Variants in ATP6V1C2 observed in about 807,000 individuals in gnomAD.
ATP6V1C2 encodes the protein V-type proton ATPase subunit C 2.
In ATP6V1C2, 45 loss-of-function variants were observed where a neutral mutation model predicts 56.8. That is an observed-to-expected ratio of 0.79 (90% CI 0.62 to 1.02). The LOEUF (loss-of-function observed/expected upper bound fraction) is 1.02, where lower values mean the gene tolerates loss of function less well. Among genes scored for constraint, ATP6V1C2 ranks in the 50% least tolerant of loss-of-function variants. ATP6V1C2 has a pLI of 0.00. For synonymous variants in ATP6V1C2, 220 were observed against 201.3 expected (o/e 1.09, Z -0.79); for missense variants, 463 against 519.7 (o/e 0.89, Z 1.06).
At chr2:10,750,795 C>T (rs1284796168) in intron 3 of ATP6V1C2, among the ~76,000 whole-genome samples, 2 of 152,102 alleles carry the variant, frequency 1.3e-5, no homozygotes, top group Non-Finnish European at 2.9e-5. Context: ...TCCCACAGGT[C>T]GCTGTGAGGA....
chr2:10,733,154 C>T (rs1272833325), intron 3 of ATP6V1C2, among the ~76,000 whole-genome samples: 1 of 151,982 alleles, frequency 6.6e-6, no homozygotes, highest in Non-Finnish European at 1.5e-5. Flanking sequence ...TAAGAGCCTT[C>T]CTATCAGGGG....
chr2:10,742,971 C>T (rs1662646286), intron 3 of ATP6V1C2, among the ~76,000 whole-genome samples: 1 of 152,146 alleles, frequency 6.6e-6, no homozygotes, highest in South Asian at 2.1e-4. Flanking sequence ...CTGGGCAATG[C>T]CCCCCACTCC....
chr2:10,767,424 A>G (rs983170378), intron 5 of ATP6V1C2, among the ~76,000 whole-genome samples: 6 of 151,684 alleles, frequency 4.0e-5, no homozygotes, highest in Non-Finnish European at 5.9e-5. Context: ...CTGCCTCTCA[A>G]AGTGCTAGGA....
chr2:10,742,424 G>A (rs1662608625), intron 3 of ATP6V1C2, among the ~76,000 whole-genome samples: 1 of 152,142 alleles, frequency 6.6e-6, no homozygotes, highest in Non-Finnish European at 1.5e-5. Flanking sequence ...GCAGTTTGCA[G>A]GGCAGAAACC....
chr2:10,761,854 C>T (rs1011347360), intron 4 of ATP6V1C2, among the ~76,000 whole-genome samples: 5 of 152,224 alleles, frequency 3.3e-5, no homozygotes, highest in African/African-American at 1.2e-4. Context: ...ATTCCAACAC[C>T]AGCATCCTAA....
At position 10,755,094 on chromosome 2, in the gene ATP6V1C2, C is replaced by T. The variant is rs368345511; in HGVS notation, c.283+1028C>T. 4.5e-4 allele frequency among the ~76,000 whole-genome samples: 69 copies of T among 152,134 alleles called. No individual in the cohort carries two copies. In the East Asian group the frequency reaches 6.2e-3, roughly 14 times the overall value. On this transcript the variant is annotated intron_variant, in intron 4 of 13. Coordinates refer to ENST00000272238, the MANE Select transcript of ATP6V1C2 (RefSeq NM_001039362.2). ...GTGCAATGGCACAATCTCGGCTCAC[C>T]GCAACCTCCCCCTCCCAGATTCAAG...
chr2:10,734,637 G>A (rs1662156344), intron 3 of ATP6V1C2, among the ~76,000 whole-genome samples: 1 of 152,142 alleles, frequency 6.6e-6, no homozygotes, highest in Non-Finnish European at 1.5e-5. Context: ...AGGGGTGGCA[G>A]AGGAGGGAAT....
At chr2:10,757,003 CTTTTTTTTTTTT>C (rs57191070) in intron 4 of ATP6V1C2, among the ~76,000 whole-genome samples, 967 of 81,600 alleles carry the variant, frequency 0.012, 20 homozygotes, top group African/African-American at 0.05. Context: ...CATGAGGAGA[CTTTTTTTTTTTT>C]TTTTTTTTTT....
At chr2:10,771,005 G>GTGCT (rs1329312606) in intron 6 of ATP6V1C2, among the ~76,000 whole-genome samples, 2 of 152,242 alleles carry the variant, frequency 1.3e-5, no homozygotes, top group African/African-American at 4.8e-5. Context: ...AACGTGTTCA[G>GTGCT]TGCTAGGACA....
rs1405757060 is a variant in ATP6V1C2 at position 10,771,913 on chromosome 2, T to C, written c.545T>C (p.Val182Ala). ...EDFVLDSEYL[V>A]TLLVIVPKPN... is the part of the protein sequence containing the mutation. ...TTCGTGCTGGATTCTGAATATCTCG[T>C]CACACTTCTGGTCATCGTCCCCAAG... The change falls in exon 7 of 14, where the codon GTC (valine) becomes GCC (alanine). Residue 182 changes from valine (V) to alanine (A), a missense_variant. Val to Ala is a moderately conservative substitution (Grantham distance 64). Coordinates refer to ENST00000272238, the MANE Select transcript of ATP6V1C2 (RefSeq NM_001039362.2). 8.7e-6 allele frequency: 14 copies of C among 1,613,978 alleles called. No individual in the cohort carries two copies. The highest frequency in any genetic ancestry group is 1.1e-5 in the Non-Finnish European group (13 of 1,179,982).
intron 3 of ATP6V1C2, among the ~76,000 whole-genome samples, chr2:10,742,099 A>AT (rs1662585514): frequency 6.6e-6 from 1 of 152,110 alleles, no homozygotes; most frequent in Admixed American, 6.6e-5. Flanking sequence ...TAGTAGAGAC[A>AT]GGGTTTGGCC....
Position 10,784,166 on chromosome 2 carries a change from A to C in ATP6V1C2, c.*903A>C, listed in dbSNP as rs1324853374. Reference sequence around the variant, plus strand: ...TTCTTGGTTAAAAGGCCACTGGTAGAGTCATCTGAGTGTAGAGAATGTCCC... The same window carrying C: ...TTCTTGGTTAAAAGGCCACTGGTAGCGTCATCTGAGTGTAGAGAATGTCCC... On this transcript the variant is annotated 3_prime_UTR_variant, in exon 14 of 14. Coordinates refer to ENST00000272238, the MANE Select transcript of ATP6V1C2 (RefSeq NM_001039362.2). The C allele has an allele frequency of 1.1e-6, 1 of 880,640 alleles. No homozygotes were observed. The highest frequency in any genetic ancestry group is 1.8e-6 in the Non-Finnish European group (1 of 562,116). 54.6% of individuals were successfully genotyped at this position (880,640 alleles called of 1,614,324 possible). A position where few individuals can be genotyped will look rare whatever the true frequency, so the allele number is the denominator to read the frequency against.
intron 1 of ATP6V1C2, 184 bp from the exon 2 acceptor site, chr2:10,722,640 T>C: frequency 3.4e-6 from 2 of 581,706 alleles, no homozygotes; most frequent in South Asian, 5.2e-5. Flanking sequence ...CCAAGGAGCT[T>C]TGGAGTTTCG....
chr2:10,742,384 C>A (rs977656426), intron 3 of ATP6V1C2, among the ~76,000 whole-genome samples: 2 of 152,196 alleles, frequency 1.3e-5, no homozygotes, highest in African/African-American at 4.8e-5. Flanking sequence ...AGACCCAACC[C>A]TTCCTTCTAC....
rs115056998 is a variant in ATP6V1C2 at position 10,749,835 on chromosome 2, C to T, written c.198-4146C>T. Among the ~76,000 whole-genome samples, 738 of 152,074 alleles carry T rather than the reference C, an allele frequency of 4.9e-3. 6 individuals are homozygous for T. Among genetic ancestry groups the T allele is most frequent in the African/African-American group, 0.017 (700 of 41,454 alleles). ...GAGCAAAATGTGTGTATTATTGTGA[C>T]GCCATATCAAAGTGACAATAACTCA... is the stretch of plus-strand genomic sequence containing the variant. On this transcript the variant is annotated intron_variant, in intron 3 of 13. Transcript: ENST00000272238.
At chr2:10,781,948 T>A (rs1665386606) in intron 12 of ATP6V1C2, among the ~76,000 whole-genome samples, 1 of 152,196 alleles carries the variant, frequency 6.6e-6, no homozygotes, top group Admixed American at 6.5e-5. Context: ...GAATGTTCAG[T>A]CCAACTACCT....
At chr2:10,723,837 C>A (rs1397978941) in intron 2 of ATP6V1C2, among the ~76,000 whole-genome samples, 274 of 122,816 alleles carry the variant, frequency 2.2e-3, no homozygotes, top group Middle Eastern at 4.1e-3. Context: ...GACTCTGTCT[C>A]AAAAAAAAAA....
intron 4 of ATP6V1C2, among the ~76,000 whole-genome samples, chr2:10,760,191 G>A (rs1476029682): frequency 6.6e-6 from 1 of 151,932 alleles, no homozygotes. Flanking sequence ...TGGCCAACAT[G>A]GTGAAACCTC....
intron 3 of ATP6V1C2, among the ~76,000 whole-genome samples, chr2:10,742,640 G>A (rs543807605): frequency 5.1e-4 from 77 of 152,232 alleles, no homozygotes; most frequent in Admixed American, 1.4e-3. Flanking sequence ...CTGTGGGTGC[G>A]GAAGAAGAGG....
Sources: allele counts gnomAD v4.1 joint callset (sites outside exome capture counted in the v4.1 genomes callset), GRCh38; gene constraint gnomAD v4.1.1; transcripts MANE v1.5; gene names NCBI Gene and HGNC (gene_info 2026-07-23, HGNC 2026-07-21).